Variants in STARD13 observed in about 807,000 individuals in gnomAD.
STARD13 encodes the protein stAR-related lipid transfer protein 13.
A neutral mutation model predicts 106.4 loss-of-function variants in STARD13; 62 were observed. The observed-to-expected ratio is 0.58, with a 90% confidence interval of 0.48 to 0.72. The LOEUF (loss-of-function observed/expected upper bound fraction) is 0.72. Among genes scored for constraint, STARD13 ranks in the 30% least tolerant of loss-of-function variants. The pLI is 0.00. For missense variants in STARD13, 1,387 were observed against 1,424.0 expected, an observed-to-expected ratio of 0.97 and a Z score of 0.42; for synonymous variants, 565 against 553.0, an observed-to-expected ratio of 1.02 and a Z score of -0.31.
the STARD13 span, among the ~76,000 whole-genome samples, chr13:33,368,989 C>T: frequency 5.9e-5 from 9 of 152,164 alleles, no homozygotes; most frequent in Non-Finnish European, 1.2e-4. Context: ...GAGCTGCAGA[C>T]TTGGGAAGTG....
the STARD13 span, among the ~76,000 whole-genome samples, chr13:33,434,411 A>T: frequency 2.6e-5 from 4 of 151,734 alleles, no homozygotes; most frequent in Admixed American, 2.6e-4. Context: ...ACGAGATTTA[A>T]GTTCCAACTT....
At chr13:33,273,334 T>C (rs1891253433) in intron 1 of STARD13, among the ~76,000 whole-genome samples, 1 of 152,176 alleles carries the variant, frequency 6.6e-6, no homozygotes, top group South Asian at 2.1e-4. Context: ...AGATACCATA[T>C]GCAGACAGCC....
the STARD13 span, among the ~76,000 whole-genome samples, chr13:33,360,173 C>A: frequency 6.6e-6 from 1 of 151,742 alleles, no homozygotes; most frequent in Non-Finnish European, 1.5e-5. Flanking sequence ...TGTAATTCCT[C>A]TTTCTTCAAC....
the STARD13 span, among the ~76,000 whole-genome samples, chr13:33,523,853 AGTGG>A: frequency 1.3e-5 from 2 of 152,110 alleles, no homozygotes; most frequent in Admixed American, 1.3e-4. Context: ...ATCTCCGAAC[AGTGG>A]GAGACAGACT....
chr13:33,629,328 C>T, the STARD13 span, among the ~76,000 whole-genome samples: 1 of 152,172 alleles, frequency 6.6e-6, no homozygotes, highest in Admixed American at 6.5e-5. Flanking sequence ...TTAGACTGTC[C>T]TGGAAGAGGG....
In STARD13 at chr13:33,312,365, A is replaced by T. The variant is rs746853244; in HGVS notation, c.124+37925T>A. ...CTGGGGAAGATAGTCTTTCAAGTTG[A>T]AATTCCCTTGTCAGGGGTGTTTTGT... On this transcript the variant is annotated intron_variant, in intron 1 of 5. Transcript: ENST00000567873. Among the ~76,000 whole-genome samples the T allele has an allele frequency of 1.0e-3, 153 of 152,280 alleles. 2 individuals are homozygous for T. Among genetic ancestry groups the T allele is most frequent in the Non-Finnish European group, 1.6e-3 (108 of 68,026 alleles).
chr13:33,636,565 C>T, the STARD13 span, among the ~76,000 whole-genome samples: 1 of 152,142 alleles, frequency 6.6e-6, no homozygotes, highest in Non-Finnish European at 1.5e-5. Context: ...AATTCTAAAC[C>T]TTCTTCCTGT....
chr13:33,490,759 T>C, the STARD13 span, among the ~76,000 whole-genome samples: 2 of 152,190 alleles, frequency 1.3e-5, no homozygotes, highest in African/African-American at 2.4e-5. Context: ...TACAGGAAGC[T>C]GTCACACTGG....
chr13:33,174,851 C>T (rs921274666), intron 1 of STARD13, among the ~76,000 whole-genome samples: 13 of 152,108 alleles, frequency 8.5e-5, no homozygotes, highest in Non-Finnish European at 1.3e-4. Flanking sequence ...ATTTCTGCTC[C>T]GAATTCTGCT....
chr13:33,190,847 G>A (rs1449621347), intron 1 of STARD13, among the ~76,000 whole-genome samples: 2 of 151,666 alleles, frequency 1.3e-5, no homozygotes, highest in Non-Finnish European at 2.9e-5. Flanking sequence ...GCCTCCCAAA[G>A]TGCTGGGATT....
chr13:33,359,390 A>G, the STARD13 span: 1 of 170,076 alleles, frequency 5.9e-6, no homozygotes, highest in Non-Finnish European at 1.2e-5. Context: ...CACCAGAAGG[A>G]AGAAACTCCA....
the STARD13 span, among the ~76,000 whole-genome samples, chr13:33,461,947 C>A: frequency 6.6e-6 from 1 of 152,098 alleles, no homozygotes; most frequent in Non-Finnish European, 1.5e-5. Flanking sequence ...CAAAATGGAA[C>A]TATATGATTT....
the STARD13 span, among the ~76,000 whole-genome samples, chr13:33,609,569 CTT>C: frequency 2.4e-4 from 34 of 141,644 alleles, no homozygotes; most frequent in Non-Finnish European, 2.2e-4. Context: ...TTCTTTCTTT[CTT>C]TTTTTTTTTT....
At chr13:33,499,588 CTTCTTCTTCTTCTTCTTT>C in the STARD13 span, among the ~76,000 whole-genome samples, 2 of 65,598 alleles carry the variant, frequency 3.0e-5, no homozygotes, top group Admixed American at 1.7e-4. Context: ...TCTTCTTCTT[CTTCTTCTTCTTCTTCTTT>C]CTTCTTCTTC....
At chr13:33,372,945 A>G in the STARD13 span, among the ~76,000 whole-genome samples, 1 of 152,118 alleles carries the variant, frequency 6.6e-6, no homozygotes, top group South Asian at 2.1e-4. Context: ...ATTAAGACCA[A>G]CAGGGGTCAT....
At chr13:33,163,600 A>AT (rs1566038369) in intron 3 of STARD13, among the ~76,000 whole-genome samples, 51 of 91,514 alleles carry the variant, frequency 5.6e-4, no homozygotes, top group African/African-American at 1.7e-3. Flanking sequence ...AAAAAAAAAA[A>AT]AAAAAATATA....
At chr13:33,235,992 C>A (rs992509124) in intron 1 of STARD13, among the ~76,000 whole-genome samples, 15 of 152,174 alleles carry the variant, frequency 9.9e-5, no homozygotes, top group Non-Finnish European at 1.9e-4. Context: ...AAAAAATCCA[C>A]CCCCCAAATC....
the STARD13 span, among the ~76,000 whole-genome samples, chr13:33,357,868 T>C: frequency 1.3e-5 from 2 of 152,326 alleles, no homozygotes; most frequent in East Asian, 1.9e-4. Context: ...GCCTGGGCTC[T>C]CACTTTGGTG....
intron 1 of STARD13, among the ~76,000 whole-genome samples, chr13:33,315,306 G>T (rs1296380850): frequency 6.6e-6 from 1 of 152,200 alleles, no homozygotes; most frequent in Admixed American, 6.5e-5. Context: ...TTCCACTGAA[G>T]AGAGAAAGAT....
Sources: gnomAD v4.1 joint callset for allele counts (sites outside exome capture counted in the v4.1 genomes callset) on GRCh38, gnomAD v4.1.1 for gene constraint, MANE v1.5 for transcripts, NCBI Gene and HGNC (gene_info 2026-07-23, HGNC 2026-07-21) for gene names.